The following CCDC171 variants were observed in gnomAD, a reference collection of about 807,000 sequenced individuals.
The protein encoded by CCDC171 is coiled-coil domain containing 171.
Under a neutral mutation model 168.2 loss-of-function variants are expected in CCDC171, and 177 were observed. That is an observed-to-expected ratio of 1.05 (90% CI 0.93 to 1.19). The LOEUF is 1.19. Ranked by LOEUF, CCDC171 falls within the 50% of genes most tolerant of loss-of-function variation. The pLI, the probability that CCDC171 is intolerant of heterozygous loss-of-function variation, is 0.00. For synonymous variants in CCDC171, 687 were observed against 540.8 expected (o/e 1.27, Z -3.75); for missense variants, 1,991 against 1,539.0 (o/e 1.29, Z -4.91).
At position 15,874,550 on chromosome 9, in the gene CCDC171, C is replaced by G. The variant is rs770799607; in HGVS notation, c.3487C>G (p.Leu1163Val). 1.2e-6 allele frequency: 2 copies of G among 1,604,158 alleles called. No homozygotes were observed. The highest frequency in any genetic ancestry group is 4.5e-5 in the East Asian group (2 of 44,168). The change falls in exon 24 of 26, where the codon CTG (leucine) becomes GTG (valine). Residue 1163 changes from leucine to valine, a missense_variant. Coordinates refer to ENST00000380701, the MANE Select transcript of CCDC171 (RefSeq NM_173550.4). ...CCTTTAGGTCAGAGATCAGATCTCG[C>G]TGTCATGGTCTGCGGCAAGTAGGAA... The part of the protein sequence containing the change: ...TLHKVRDQIS[L>V]SWSAASRNDF...
At chr9:15,841,477 A>G (rs1256538299) in intron 21 of CCDC171, among the ~76,000 whole-genome samples, 1 of 151,986 alleles carries the variant, frequency 6.6e-6, no homozygotes, top group African/African-American at 2.4e-5. Flanking sequence ...TAAGACTGCC[A>G]TTTATTTAAC....
chr9:15,935,416 T>C (rs986144816), intron 25 of CCDC171, among the ~76,000 whole-genome samples: 2 of 152,080 alleles, frequency 1.3e-5, no homozygotes, highest in African/African-American at 4.8e-5. Context: ...TGATGAAATC[T>C]AAATTCCCTG....
At position 15,794,407 on chromosome 9, in the gene CCDC171, G is replaced by A. The variant is rs1196366595; in HGVS notation, c.3267+9713G>A. Among the ~76,000 whole-genome samples the A allele has an allele frequency of 2.0e-5, 3 of 152,136 alleles. No homozygotes were observed. In the East Asian group the frequency reaches 5.8e-4, roughly 29 times the overall value. On this transcript the variant is annotated intron_variant, in intron 21 of 25. Coordinates refer to ENST00000380701, the MANE Select transcript of CCDC171 (RefSeq NM_173550.4). The stretch of plus-strand genomic sequence containing the variant: ...TTGAACCCGGGAGGCAGAGGTTGTA[G>A]TGAGCCTAGATGGTGCCATTGCACT...
In CCDC171 at chr9:15,779,151, G is replaced by A; in HGVS notation, c.3081+1G>A. 6.5e-7 allele frequency: 1 copy of A among 1,531,662 alleles called. No individual in the cohort carries two copies. The highest frequency in any genetic ancestry group is 1.3e-5 in the South Asian group (1 of 75,796). 94.9% of individuals were successfully genotyped at this position (1,531,662 alleles called of 1,614,324 possible). On this transcript the variant is annotated splice_donor_variant, in intron 20 of 25. Coordinates refer to ENST00000380701, the MANE Select transcript of CCDC171 (RefSeq NM_173550.4). LOFTEE classifies it high-confidence loss of function. ...GCAATTAAATGAATTTAAGCAGTCT[G>A]TAAGTATATATCATTTAGGAAACTG...
upstream of CCDC171, among the ~76,000 whole-genome samples, chr9:16,038,005 A>G (rs762939228): frequency 2.0e-5 from 3 of 152,206 alleles, no homozygotes; most frequent in Non-Finnish European, 4.4e-5. Flanking sequence ...CAAGTCCACT[A>G]TAATGAAATT....
chr9:15,681,779 T>G (rs921284716), intron 10 of CCDC171, among the ~76,000 whole-genome samples: 2 of 152,096 alleles, frequency 1.3e-5, no homozygotes, highest in Non-Finnish European at 2.9e-5. Flanking sequence ...GCATTCACAG[T>G]CTGGCTGTTA....
At chr9:15,894,224 G>A (rs1259852299) in intron 24 of CCDC171, among the ~76,000 whole-genome samples, 1 of 152,062 alleles carries the variant, frequency 6.6e-6, no homozygotes, top group African/African-American at 2.4e-5. Flanking sequence ...GGAACTGAAT[G>A]ATGAGAACAC....
chr9:15,658,000 T>C (rs377162469), intron 8 of CCDC171, among the ~76,000 whole-genome samples: 3 of 152,210 alleles, frequency 2.0e-5, no homozygotes, highest in Admixed American at 6.5e-5. Flanking sequence ...TGTTTACATA[T>C]TGTTTATGGG....
chr9:15,913,940 C>G (rs1027370799), intron 24 of CCDC171, among the ~76,000 whole-genome samples: 3 of 152,202 alleles, frequency 2.0e-5, no homozygotes, highest in African/African-American at 7.2e-5. Flanking sequence ...GATTCCACTC[C>G]AGACCCTGTT....
intron 18 of CCDC171, among the ~76,000 whole-genome samples, chr9:15,749,283 A>G (rs558326427): frequency 1.3e-5 from 2 of 152,344 alleles, no homozygotes; most frequent in East Asian, 1.9e-4. Context: ...TATCCTAAAT[A>G]TATATGCACC....
the CCDC171 span, among the ~76,000 whole-genome samples, chr9:16,085,420 C>A: frequency 6.6e-6 from 1 of 152,236 alleles, no homozygotes; most frequent in African/African-American, 2.4e-5. Context: ...CCTGAAGTCA[C>A]TGTAATTTCA....
At chr9:15,756,297 T>C (rs2056111462) in intron 18 of CCDC171, among the ~76,000 whole-genome samples, 2 of 152,120 alleles carry the variant, frequency 1.3e-5, no homozygotes, top group African/African-American at 4.8e-5. Flanking sequence ...AAAAAATGAA[T>C]TAGAAAAGAA....
rs188634021 is a variant in CCDC171, at chr9:15,782,977, A to C, written c.3082-1532A>C. 3.2e-3 allele frequency among the ~76,000 whole-genome samples: 484 copies of C among 152,318 alleles called. 2 individuals carry two copies. Among genetic ancestry groups the C allele is most frequent in the Non-Finnish European group, 4.7e-3 (322 of 68,024 alleles). On this transcript the variant is annotated intron_variant, in intron 20 of 25. Coordinates refer to ENST00000380701, the MANE Select transcript of CCDC171 (RefSeq NM_173550.4). Reference sequence around the variant, plus strand: ...CATTCTCATTAATTTATATTAACTTAGGTAAATCATTAGACATCTGTTTTT... The same window carrying C: ...CATTCTCATTAATTTATATTAACTTCGGTAAATCATTAGACATCTGTTTTT...
chr9:15,825,024 C>G (rs2059954339), intron 21 of CCDC171, among the ~76,000 whole-genome samples: 1 of 152,028 alleles, frequency 6.6e-6, no homozygotes, highest in South Asian at 2.1e-4. Flanking sequence ...TTACTTTTCT[C>G]CTGCTCTAAC....
At chr9:15,945,708 C>A (rs1479837987) in intron 25 of CCDC171, among the ~76,000 whole-genome samples, 2 of 151,200 alleles carry the variant, frequency 1.3e-5, no homozygotes, top group East Asian at 2.0e-4. Flanking sequence ...ATGTCCTTCA[C>A]CCCCTTTTTG....
At chr9:15,960,872 G>C (rs1471629875) in intron 25 of CCDC171, among the ~76,000 whole-genome samples, 1 of 152,134 alleles carries the variant, frequency 6.6e-6, no homozygotes, top group Non-Finnish European at 1.5e-5. Context: ...CAGCCCTGGG[G>C]AGTATAGAGC....
At chr9:15,766,325 C>T (rs543433232) in intron 18 of CCDC171, among the ~76,000 whole-genome samples, 1 of 152,196 alleles carries the variant, frequency 6.6e-6, no homozygotes, top group African/African-American at 2.4e-5. Context: ...AATAAGGTGA[C>T]CTCGAACTCC....
chr9:15,661,234 T>G (rs892921644), intron 8 of CCDC171, among the ~76,000 whole-genome samples: 16 of 144,212 alleles, frequency 1.1e-4, no homozygotes, highest in Admixed American at 5.0e-4. Flanking sequence ...GAGCAGAGAT[T>G]GCACCACTGA....
intron 24 of CCDC171, chr9:15,875,738 TTTG>T (rs1563919881): frequency 6.6e-6 from 1 of 151,998 alleles, no homozygotes; most frequent in South Asian, 2.1e-4. Flanking sequence ...CCTAATTTAA[TTTG>T]TTATTAGTAC....
Sources: gnomAD v4.1 joint callset for allele counts (sites outside exome capture counted in the v4.1 genomes callset) on GRCh38, gnomAD v4.1.1 for gene constraint, MANE v1.5 for transcripts, NCBI Gene and HGNC (gene_info 2026-07-23, HGNC 2026-07-21) for gene names.